Variants in ABHD10 observed in about 807,000 individuals in gnomAD.
The protein encoded by ABHD10 is palmitoyl-protein thioesterase ABHD10, mitochondrial.
In ABHD10, 22 loss-of-function variants were observed where a neutral mutation model predicts 33.1. The observed-to-expected ratio is 0.66, with a 90% CI of 0.47 to 0.95. The LOEUF is 0.95. Ranked by LOEUF, ABHD10 falls within the 40% of genes least tolerant of loss-of-function variation. ABHD10 has a pLI of 0.00. For synonymous variants in ABHD10, 146 were observed against 133.9 expected, an observed-to-expected ratio of 1.09 and a Z score of -0.62; for missense variants, 352 against 379.9, an observed-to-expected ratio of 0.93 and a Z score of 0.61.
intron 2 of ABHD10, among the ~76,000 whole-genome samples, chr3:111,982,777 A>G (rs1016621989): frequency 6.6e-6 from 1 of 152,196 alleles, no homozygotes; most frequent in African/African-American, 2.4e-5. Flanking sequence ...AAATTTTTAG[A>G]AGAGTGACTC....
chr3:111,981,330 A>AAAAAAAAAAAAAAAAG (rs2072582224), intron 1 of ABHD10, among the ~76,000 whole-genome samples: 1 of 136,282 alleles, frequency 7.3e-6, no homozygotes, highest in Non-Finnish European at 1.5e-5. Context: ...AAAAAAAAAA[A>AAAAAAAAAAAAAAAAG]AAAGAAAGAA....
In ABHD10 at chr3:111,991,892, C is replaced by T. The variant is rs2072744566; in HGVS notation, c.*171C>T. The T allele has an allele frequency of 3.9e-6, 2 of 518,400 alleles. No homozygotes were observed. Among genetic ancestry groups the T allele is most frequent in the South Asian group, 3.8e-5 (1 of 26,584 alleles). The allele number at this position is 518,400 out of a possible 1,614,324, so 32.1% of individuals were successfully genotyped here. Reference sequence around the variant, plus strand: ...AAGTAATGCAAATTGTGAAGAAGGACCAGCTGCTGTTTAGAAAATTTTCTC... The same window carrying T: ...AAGTAATGCAAATTGTGAAGAAGGATCAGCTGCTGTTTAGAAAATTTTCTC... On this transcript the variant is annotated 3_prime_UTR_variant, in exon 5 of 5. Transcript: ENST00000273359.
At chr3:111,990,739 T>A (rs1212699021) in intron 4 of ABHD10, 6 of 1,410,206 alleles carry the variant, frequency 4.3e-6, no homozygotes, top group Non-Finnish European at 5.6e-6. Flanking sequence ...ACATTCAGCC[T>A]AAAATTGCAT....
intron 1 of ABHD10, 125 bp downstream of exon 1, chr3:111,979,328 C>A (rs1249488160): frequency 8.6e-7 from 1 of 1,167,914 alleles, no homozygotes; most frequent in Admixed American, 2.9e-5. Flanking sequence ...TTTCTCAACA[C>A]CCCAGTTCTA....
intron 2 of ABHD10, among the ~76,000 whole-genome samples, chr3:111,983,194 C>T (rs1298601717): frequency 1.3e-5 from 2 of 152,202 alleles, no homozygotes; most frequent in African/African-American, 4.8e-5. Flanking sequence ...AAGTTAGAGA[C>T]AGTGGGATTG....
chr3:111,986,849 T>G, intron 3 of ABHD10, 65 bp from the exon 4 acceptor site: 4 of 1,215,608 alleles, frequency 3.3e-6, no homozygotes, highest in Non-Finnish European at 4.4e-6. Flanking sequence ...TTGTACATAT[T>G]TTGTTTTATG....
At chr3:111,986,517 G>C (rs955307668) in intron 3 of ABHD10, 142 bp downstream of exon 3, 35 of 597,996 alleles carry the variant, frequency 5.9e-5, no homozygotes, top group Non-Finnish European at 9.8e-5. Flanking sequence ...CTCACTGCAA[G>C]CTCTGCCTCC....
intron 1 of ABHD10, among the ~76,000 whole-genome samples, chr3:111,980,679 G>T (rs1448141151): frequency 6.6e-6 from 1 of 152,142 alleles, no homozygotes; most frequent in Non-Finnish European, 1.5e-5. Context: ...TTCACCAATT[G>T]TACTGTTGTA....
Position 111,993,053 on chromosome 3 carries a change from C to A in ABHD10, c.*1332C>A, listed in dbSNP as rs1127874. 31,531 of 152,016 alleles carry A rather than the reference C, an allele frequency of 0.21. 3,366 individuals carry two copies. Among genetic ancestry groups the A allele is most frequent in the Middle Eastern group, 0.28 (83 of 294 alleles). The allele number at this position is 152,016 out of a possible 1,614,324, so 9.4% of individuals were successfully genotyped here. ...TAAACTGTAAAACAATATAGTTTCT[C>A]CTGAACACCTGCTTTCCTTCTGGGA... On this transcript the variant is annotated 3_prime_UTR_variant, in exon 5 of 5. Transcript: ENST00000273359.
intron 4 of ABHD10, among the ~76,000 whole-genome samples, chr3:111,990,265 C>T (rs2072723585): frequency 6.6e-6 from 1 of 151,946 alleles, no homozygotes. Context: ...GCATTTAAAA[C>T]CTTTTCATAG....
chr3:111,990,102 C>G (rs1411470091), intron 4 of ABHD10, among the ~76,000 whole-genome samples: 14 of 151,754 alleles, frequency 9.2e-5, no homozygotes, highest in Admixed American at 9.2e-4. Context: ...TGAAACTATT[C>G]ATAGCTTGAT....
chr3:111,985,803 C>A lies in ABHD10; in HGVS notation c.327-461C>A, dbSNP rs1210343191. Among the ~76,000 whole-genome samples, 11 of 150,404 alleles carry A rather than the reference C, an allele frequency of 7.3e-5. No individual in the cohort carries two copies. The East Asian group carries it at 2.2e-3, about 29-fold the overall frequency. The stretch of plus-strand genomic sequence containing the variant: ...AGCTTCAAGAAGCAAAGCGAAGATA[C>A]AGTTGGGAGGGAGGGAGGGAGAGAG... On this transcript the variant is annotated intron_variant, in intron 2 of 4. Coordinates refer to ENST00000273359, the MANE Select transcript of ABHD10 (RefSeq NM_018394.4).
chr3:111,981,882 A>G lies in ABHD10; in HGVS notation c.241A>G (p.Ile81Val), dbSNP rs780964019. The change falls in exon 2 of 5, where the codon ATC becomes GTC. Residue 81 changes from isoleucine to valine, a missense_variant. Coordinates refer to ENST00000273359, the MANE Select transcript of ABHD10 (RefSeq NM_018394.4). ...LKGKSPGIIF[I>V]PGYLSYMNGT... ...AGGCAAAAGTCCAGGAATTATCTTC[A>G]TCCCTGGCTATCTTTCTTATATGAA... 6.8e-6 allele frequency: 11 copies of G among 1,607,978 alleles called. No individual in the cohort carries two copies. The highest frequency in any genetic ancestry group is 9.4e-6 in the Non-Finnish European group (11 of 1,175,638).
intron 4 of ABHD10, among the ~76,000 whole-genome samples, chr3:111,988,906 G>A (rs62277639): frequency 0.21 from 31,573 of 152,012 alleles, 3,386 homozygotes; most frequent in Middle Eastern, 0.28. Context: ...ATTTCTCTGC[G>A]TGTGTGTGTG....
Position 111,987,061 on chromosome 3 carries a change from A to C in ABHD10, c.576+10A>C. 1 of 1,611,580 alleles carries C rather than the reference A, an allele frequency of 6.2e-7. No homozygotes were observed. The highest frequency in any genetic ancestry group is 8.5e-7 in the Non-Finnish European group (1 of 1,179,562). The stretch of plus-strand genomic sequence containing the variant: ...TCAGCTTCCTGTTGAGGTAAGTCAA[A>C]AGTCACTTTTGCCACCTCAATATAT... On this transcript the variant is annotated intron_variant, in intron 4 of 4. Transcript: ENST00000273359.
At position 111,993,121 on chromosome 3, in the gene ABHD10, AC is replaced by A. The variant is rs1177052969; in HGVS notation, c.*1402del. 1 of 152,146 alleles carries A rather than the reference AC, an allele frequency of 6.6e-6. No individual in the cohort carries two copies. Among genetic ancestry groups the A allele is most frequent in the Non-Finnish European group, 1.5e-5 (1 of 68,040 alleles). 9.4% of individuals were successfully genotyped at this position (152,146 alleles called of 1,614,324 possible). On this transcript the variant is annotated 3_prime_UTR_variant, in exon 5 of 5. Coordinates refer to ENST00000273359, the MANE Select transcript of ABHD10 (RefSeq NM_018394.4). ...GTGCCAGGCAGAGACTACCTTTGTG[AC>A]CAGCTCCCAGTAAAAACCCCAGGCA... is the stretch of plus-strand genomic sequence containing the variant.
intron 1 of ABHD10, among the ~76,000 whole-genome samples, chr3:111,980,628 G>T (rs1313209432): frequency 6.6e-6 from 1 of 152,004 alleles, no homozygotes; most frequent in Non-Finnish European, 1.5e-5. Context: ...TTTATAATGG[G>T]GGAAAATTTG....
At chr3:111,980,129 A>G (rs1354352505) in intron 1 of ABHD10, among the ~76,000 whole-genome samples, 2 of 152,222 alleles carry the variant, frequency 1.3e-5, no homozygotes, top group African/African-American at 4.8e-5. Context: ...TAATTATATG[A>G]ATCTGTCTAC....
chr3:111,985,352 A>C (rs2072642699), intron 2 of ABHD10, among the ~76,000 whole-genome samples: 1 of 152,200 alleles, frequency 6.6e-6, no homozygotes, highest in South Asian at 2.1e-4. Flanking sequence ...AACTGAGCCT[A>C]GATAACTAGG....
Sources: allele counts gnomAD v4.1 joint callset (sites outside exome capture counted in the v4.1 genomes callset), GRCh38; gene constraint gnomAD v4.1.1; transcripts MANE v1.5; gene names NCBI Gene and HGNC (gene_info 2026-07-23, HGNC 2026-07-21).